The following NBAS variants were observed in gnomAD, a reference collection of about 807,000 sequenced individuals.
NBAS encodes NBAS subunit of NRZ tethering complex.
A neutral mutation model predicts 302.5 loss-of-function variants in NBAS; 219 were observed. That is an observed-to-expected ratio of 0.72 (90% CI 0.65 to 0.81). The LOEUF is 0.81. NBAS is among the 30% of genes least tolerant of loss of function. The probability of loss-of-function intolerance (pLI) is 0.00; values close to 1 mark genes in which losing one functional copy is unlikely to be tolerated. For missense variants in NBAS, 2,932 were observed against 2,841.6 expected (o/e 1.03, Z -0.72); for synonymous variants, 1,118 against 1,021.6 (o/e 1.09, Z -1.80).
At chr2:15,302,718 G>A (rs180979274) in intron 40 of NBAS, among the ~76,000 whole-genome samples, 55 of 152,294 alleles carry the variant, frequency 3.6e-4, no homozygotes, top group African/African-American at 1.2e-3. Context: ...ATTGTTCCTG[G>A]GTGTGTCTGT....
chr2:15,216,526 CA>C, intron 48 of NBAS, among the ~76,000 whole-genome samples: 1 of 152,348 alleles, frequency 6.6e-6, no homozygotes, highest in East Asian at 1.9e-4. Flanking sequence ...ATCTTAATTA[CA>C]AGCCAAGTTG....
the NBAS span, among the ~76,000 whole-genome samples, chr2:14,812,024 T>A: frequency 6.6e-6 from 1 of 152,200 alleles, no homozygotes; most frequent in Non-Finnish European, 1.5e-5. Context: ...ATTCTGTTTG[T>A]TGGCCAAGTG....
At chr2:15,152,102 G>A in the NBAS span, among the ~76,000 whole-genome samples, 3 of 152,064 alleles carry the variant, frequency 2.0e-5, no homozygotes, top group Non-Finnish European at 4.4e-5. Context: ...CGCCTGCCTC[G>A]GCCTCCCAAA....
chr2:15,368,102 TA>T (rs1400885582), intron 31 of NBAS, among the ~76,000 whole-genome samples: 1 of 152,138 alleles, frequency 6.6e-6, no homozygotes, highest in East Asian at 1.9e-4. Flanking sequence ...CATACACATT[TA>T]TTTTTTTCTG....
At chr2:15,022,522 C>A in the NBAS span, among the ~76,000 whole-genome samples, 8 of 152,066 alleles carry the variant, frequency 5.3e-5, no homozygotes, top group African/African-American at 1.9e-4. Flanking sequence ...TTTAACATAC[C>A]CCCTAAAGAG....
chr2:14,861,846 G>A, the NBAS span, among the ~76,000 whole-genome samples: 2 of 152,162 alleles, frequency 1.3e-5, no homozygotes, highest in East Asian at 1.9e-4. Context: ...GCCCTAGATC[G>A]CCAGAGTGAA....
chr2:15,124,750 C>T, the NBAS span, among the ~76,000 whole-genome samples: 1 of 152,214 alleles, frequency 6.6e-6, no homozygotes, highest in Non-Finnish European at 1.5e-5. Context: ...GGGTTCCAGT[C>T]ATAAGTCTTA....
chr2:15,299,080 C>T (rs1166637267), intron 40 of NBAS, among the ~76,000 whole-genome samples: 3 of 152,134 alleles, frequency 2.0e-5, no homozygotes, highest in Admixed American at 6.5e-5. Flanking sequence ...AGTGACATGA[C>T]GCATGGGTAT....
At chr2:15,398,504 A>G (rs1449344625) in intron 26 of NBAS, among the ~76,000 whole-genome samples, 2 of 152,182 alleles carry the variant, frequency 1.3e-5, no homozygotes, top group Non-Finnish European at 2.9e-5. Flanking sequence ...TTAGAGATAC[A>G]ATATTCTTCC....
the NBAS span, among the ~76,000 whole-genome samples, chr2:14,927,479 A>G: frequency 6.6e-6 from 1 of 152,174 alleles, no homozygotes; most frequent in South Asian, 2.1e-4. Context: ...CATTTAGGCT[A>G]TCTTCCATTG....
At chr2:14,924,346 C>T in the NBAS span, among the ~76,000 whole-genome samples, 1 of 152,218 alleles carries the variant, frequency 6.6e-6, no homozygotes, top group East Asian at 1.9e-4. Flanking sequence ...TGAAAGTCTG[C>T]TTCAGAATAA....
At chr2:15,535,523 G>GAAAGAAATAAAT (rs1663453430) in intron 8 of NBAS, among the ~76,000 whole-genome samples, 1 of 99,754 alleles carries the variant, frequency 1.0e-5, no homozygotes, top group African/African-American at 4.4e-5. Flanking sequence ...CTCCGTCTCA[G>GAAAGAAATAAAT]AAATAAATAA....
the NBAS span, among the ~76,000 whole-genome samples, chr2:14,968,587 A>G: frequency 6.6e-6 from 1 of 152,194 alleles, no homozygotes; most frequent in East Asian, 1.9e-4. Context: ...ATAGGGGTGC[A>G]CTACTGTGCC....
chr2:14,875,444 A>T, the NBAS span, among the ~76,000 whole-genome samples: 1 of 152,072 alleles, frequency 6.6e-6, no homozygotes, highest in Non-Finnish European at 1.5e-5. Context: ...GTGAAACCCC[A>T]TCTCTACTAC....
intron 12 of NBAS, among the ~76,000 whole-genome samples, chr2:15,482,685 ATT>A (rs11320202): frequency 1.6e-3 from 236 of 147,396 alleles, no homozygotes; most frequent in Non-Finnish European, 1.9e-3. Flanking sequence ...AAGTTCTTTG[ATT>A]TTTTTTTTTT....
chr2:15,014,816 G>A, the NBAS span, among the ~76,000 whole-genome samples: 1 of 151,782 alleles, frequency 6.6e-6, no homozygotes, highest in Non-Finnish European at 1.5e-5. Context: ...ATAAAATTGA[G>A]ACCAAAAAAT....
intron 44 of NBAS, among the ~76,000 whole-genome samples, chr2:15,252,814 T>C (rs1342935175): frequency 1.3e-5 from 2 of 152,150 alleles, no homozygotes; most frequent in African/African-American, 4.8e-5. Flanking sequence ...GCACAGAGGA[T>C]ACAAAGGTAA....
At chr2:14,973,366 AC>A in the NBAS span, among the ~76,000 whole-genome samples, 1 of 152,198 alleles carries the variant, frequency 6.6e-6, no homozygotes, top group Non-Finnish European at 1.5e-5. Flanking sequence ...TATAAAATAA[AC>A]CTCTACGAAG....
intron 48 of NBAS, among the ~76,000 whole-genome samples, chr2:15,202,626 G>A (rs1239073212): frequency 1.3e-5 from 2 of 152,038 alleles, no homozygotes; most frequent in African/African-American, 4.8e-5. Flanking sequence ...TGCAACCTCC[G>A]CCTCCTGGGT....
Sources: gnomAD v4.1 joint callset for allele counts (sites outside exome capture counted in the v4.1 genomes callset) on GRCh38, gnomAD v4.1.1 for gene constraint, MANE v1.5 for transcripts, NCBI Gene and HGNC (gene_info 2026-07-23, HGNC 2026-07-21) for gene names.